Variants in RAB38 observed in about 807,000 individuals in gnomAD.
RAB38 encodes the protein ras-related protein Rab-38.
Under a neutral mutation model 18.4 loss-of-function variants are expected in RAB38, and 15 were observed. The ratio of observed to expected loss-of-function variants is 0.82; its 90% CI spans 0.55 to 1.26. The LOEUF (loss-of-function observed/expected upper bound fraction) is 1.26, where lower values mean the gene tolerates loss of function less well. RAB38 is among the 50% of genes most tolerant of loss of function. RAB38 has a pLI of 0.00. For synonymous variants in RAB38, 101 were observed against 104.4 expected (o/e 0.97, Z 0.20); for missense variants, 294 against 267.4 (o/e 1.10, Z -0.69).
chr11:87,941,214 G>GAGAGATATATATATATATATAT, the RAB38 span, among the ~76,000 whole-genome samples: 2 of 62,538 alleles, frequency 3.2e-5, no homozygotes, highest in Admixed American at 2.3e-4. Flanking sequence ...AAATATATGA[G>GAGAGATATATATATATATATAT]ATATATATAT....
Position 88,114,112 on chromosome 11 carries a change from C to G in RAB38, c.512G>C (p.Arg171Thr). 1 of 1,614,148 alleles carries G rather than the reference C, an allele frequency of 6.2e-7. No individual in the cohort carries two copies. Among genetic ancestry groups the G allele is most frequent in the Non-Finnish European group, 8.5e-7 (1 of 1,180,008 alleles). The change falls in exon 3 of 3, where the codon AGA (arginine) becomes ACA (threonine). Residue 171 changes from arginine to threonine, a missense_variant. Arg to Thr is a moderately conservative substitution (Grantham distance 71). Coordinates refer to ENST00000243662, the MANE Select transcript of RAB38 (RefSeq NM_022337.3). ...KENINIDEAS[R>T]CLVKHILANE... Reference sequence around the variant, plus strand: ...TGCAAGTATGTGTTTCACCAGGCATCTGGAGGCTTCATCAATGTTTATATT... The same window carrying G: ...TGCAAGTATGTGTTTCACCAGGCATGTGGAGGCTTCATCAATGTTTATATT...
At chr11:88,127,263 G>T (rs1337760410) in intron 2 of RAB38, among the ~76,000 whole-genome samples, 1 of 152,144 alleles carries the variant, frequency 6.6e-6, no homozygotes, top group Non-Finnish European at 1.5e-5. Context: ...TAATGAACTG[G>T]GAGCAGAGGG....
the RAB38 span, among the ~76,000 whole-genome samples, chr11:88,045,059 A>G: frequency 6.6e-6 from 1 of 152,158 alleles, no homozygotes; most frequent in Non-Finnish European, 1.5e-5. Flanking sequence ...AAAATCAGTT[A>G]GCATTTAGGC....
At chr11:87,912,753 A>ATT in the RAB38 span, among the ~76,000 whole-genome samples, 1 of 45,418 alleles carries the variant, frequency 2.2e-5, no homozygotes, top group East Asian at 1.0e-3. Context: ...TTTGGGTTTA[A>ATT]TTTTCTTTCT....
the RAB38 span, among the ~76,000 whole-genome samples, chr11:87,943,220 G>A: frequency 6.6e-6 from 1 of 152,136 alleles, no homozygotes; most frequent in African/African-American, 2.4e-5. Context: ...TCCAGATACT[G>A]GCTCTTCTTT....
intron 2 of RAB38, among the ~76,000 whole-genome samples, chr11:88,122,872 C>A (rs1275731188): frequency 6.6e-6 from 1 of 152,168 alleles, no homozygotes; most frequent in Non-Finnish European, 1.5e-5. Flanking sequence ...GTCCCAAATA[C>A]AGTAGGATAA....
chr11:88,022,623 A>AAAAAAAC, the RAB38 span, among the ~76,000 whole-genome samples: 1 of 150,012 alleles, frequency 6.7e-6, no homozygotes, highest in South Asian at 2.1e-4. Context: ...AAAAAAAAAA[A>AAAAAAAC]AAAAAAAAAC....
chr11:87,892,917 A>G, the RAB38 span, among the ~76,000 whole-genome samples: 1 of 151,678 alleles, frequency 6.6e-6, no homozygotes, highest in Admixed American at 6.6e-5. Context: ...CCTTTTTCAT[A>G]TTGTTGAAAT....
the RAB38 span, among the ~76,000 whole-genome samples, chr11:87,851,027 G>A: frequency 2.6e-5 from 4 of 152,138 alleles, no homozygotes; most frequent in African/African-American, 4.8e-5. Flanking sequence ...TTCAAGCCTG[G>A]GGGCGGTCCC....
intron 2 of RAB38, among the ~76,000 whole-genome samples, chr11:88,129,364 G>C (rs913198645): frequency 1.1e-4 from 17 of 152,150 alleles, no homozygotes; most frequent in African/African-American, 3.6e-4. Flanking sequence ...GAAATGGCTG[G>C]GCGTGGCGGC....
the RAB38 span, among the ~76,000 whole-genome samples, chr11:87,863,675 T>C: frequency 6.6e-6 from 1 of 151,808 alleles, no homozygotes; most frequent in African/African-American, 2.4e-5. Flanking sequence ...CATTGCTTGA[T>C]AGAATCACTT....
At chr11:87,882,018 C>G in the RAB38 span, among the ~76,000 whole-genome samples, 2 of 151,814 alleles carry the variant, frequency 1.3e-5, no homozygotes, top group Admixed American at 6.6e-5. Context: ...TAATCTCCCC[C>G]CTTTAGCACA....
chr11:88,101,675 T>G, the RAB38 span, among the ~76,000 whole-genome samples: 4 of 151,810 alleles, frequency 2.6e-5, no homozygotes, highest in African/African-American at 9.7e-5. Context: ...AGGAAATATG[T>G]TATAAAGACA....
chr11:88,017,810 G>C, the RAB38 span, among the ~76,000 whole-genome samples: 3 of 151,056 alleles, frequency 2.0e-5, no homozygotes, highest in Non-Finnish European at 1.5e-5. Context: ...GATATGGTTT[G>C]GCTATGTCCC....
chr11:88,033,476 A>T, the RAB38 span, among the ~76,000 whole-genome samples: 1 of 152,102 alleles, frequency 6.6e-6, no homozygotes, highest in African/African-American at 2.4e-5. Flanking sequence ...AATTTTCATG[A>T]TTCATTATCT....
At chr11:88,020,121 C>A in the RAB38 span, among the ~76,000 whole-genome samples, 31 of 152,274 alleles carry the variant, frequency 2.0e-4, no homozygotes, top group African/African-American at 6.7e-4. Flanking sequence ...TGACAAGTAA[C>A]TTTGGCCATT....
chr11:88,108,925 G>A (rs144710258), downstream of RAB38, among the ~76,000 whole-genome samples: 1 of 152,128 alleles, frequency 6.6e-6, no homozygotes, highest in Non-Finnish European at 1.5e-5. Flanking sequence ...TGAAATTCTG[G>A]TTTGAAAATT....
chr11:88,064,369 G>A, the RAB38 span, among the ~76,000 whole-genome samples: 7 of 152,182 alleles, frequency 4.6e-5, no homozygotes, highest in African/African-American at 1.7e-4. Context: ...CTGGTTAATG[G>A]CATGTGGATG....
At chr11:87,815,592 A>G in the RAB38 span, 11 of 152,214 alleles carry the variant, frequency 7.2e-5, no homozygotes, top group Admixed American at 7.2e-4. Flanking sequence ...AGCTGTGATG[A>G]TGAAGGGTAA....
Sources: gnomAD v4.1 joint callset for allele counts (sites outside exome capture counted in the v4.1 genomes callset) on GRCh38, gnomAD v4.1.1 for gene constraint, MANE v1.5 for transcripts, NCBI Gene and HGNC (gene_info 2026-07-23, HGNC 2026-07-21) for gene names.